PDE3B: variants seen among roughly 807,000 people sequenced by gnomAD.
The protein encoded by PDE3B is phosphodiesterase 3B.
Under a neutral mutation model 116.8 loss-of-function variants are expected in PDE3B, and 66 were observed. The ratio of observed to expected loss-of-function variants is 0.56; its 90% CI spans 0.46 to 0.69. The LOEUF is 0.69. Among genes scored for constraint, PDE3B ranks in the 30% least tolerant of loss-of-function variants. The probability of loss-of-function intolerance (pLI) is 0.00; values close to 1 mark genes in which losing one functional copy is unlikely to be tolerated. For synonymous variants in PDE3B, 595 were observed against 533.6 expected (o/e 1.12, Z -1.59); for missense variants, 1,384 against 1,368.1 (o/e 1.01, Z -0.18).
the PDE3B span, among the ~76,000 whole-genome samples, chr11:14,898,232 G>A: frequency 6.6e-6 from 1 of 152,022 alleles, no homozygotes; most frequent in East Asian, 1.9e-4. Flanking sequence ...GAAACACATG[G>A]TGTTATCCAC....
the PDE3B span, among the ~76,000 whole-genome samples, chr11:14,896,168 T>TG: frequency 1.3e-5 from 2 of 152,362 alleles, no homozygotes; most frequent in Non-Finnish European, 2.9e-5. Flanking sequence ...TGATATCTTG[T>TG]ATTCCTTTCC....
At chr11:14,812,255 A>T (rs1240447814) in intron 5 of PDE3B, among the ~76,000 whole-genome samples, 1 of 152,224 alleles carries the variant, frequency 6.6e-6, no homozygotes, top group Non-Finnish European at 1.5e-5. Context: ...ATTGTATGGT[A>T]TATGAATGAT....
intron 7 of PDE3B, among the ~76,000 whole-genome samples, chr11:14,822,966 C>T (rs1859568503): frequency 1.3e-5 from 2 of 151,332 alleles, no homozygotes; most frequent in South Asian, 2.1e-4. Context: ...TTCAGTGTAA[C>T]CACCCTACAA....
At chr11:14,803,204 A>G (rs771415882) in intron 4 of PDE3B, among the ~76,000 whole-genome samples, 1 of 152,174 alleles carries the variant, frequency 6.6e-6, no homozygotes, top group Non-Finnish European at 1.5e-5. Flanking sequence ...CCAAAATCAC[A>G]TTCCTTTAAG....
chr11:14,654,077 T>A (rs933738997), intron 1 of PDE3B, among the ~76,000 whole-genome samples: 3 of 151,958 alleles, frequency 2.0e-5, no homozygotes, highest in Non-Finnish European at 4.4e-5. Flanking sequence ...AGAAGTAAAG[T>A]ATAACTTGGA....
chr11:14,877,089 G>T, the PDE3B span, among the ~76,000 whole-genome samples: 1 of 152,122 alleles, frequency 6.6e-6, no homozygotes, highest in Admixed American at 6.6e-5. Context: ...ACAAGAGCAT[G>T]TACCTGTAAT....
rs1163583012 is a variant in PDE3B at position 14,644,566 on chromosome 11, G to A, written c.491G>A (p.Gly164Glu). ...GCGCTGCCCGCCTGCTGTTACCTGG[G>A]GGACTTCTTGGTGTGGCAGTGGTGG... The part of the protein sequence containing the change: ...LLALPACCYL[G>E]DFLVWQWWSW... Residue 164 changes from glycine (G) to glutamate (E), a missense_variant, in exon 1 of 16, where the codon GGG becomes GAG. Gly to Glu is a moderately conservative substitution (Grantham distance 98). Around this residue, in one of 2 missense-constraint regions of PDE3B, gnomAD observed 956 missense variants for 806.8 expected, o/e 1.18. Transcript: ENST00000282096. 3 of 1,592,890 alleles carry A rather than the reference G, an allele frequency of 1.9e-6. No homozygotes were observed. Among genetic ancestry groups the A allele is most frequent in the East Asian group, 2.3e-5 (1 of 43,754 alleles).
chr11:14,788,526 CACTT>C (rs1400701874), intron 3 of PDE3B, among the ~76,000 whole-genome samples: 3 of 151,976 alleles, frequency 2.0e-5, no homozygotes, highest in Admixed American at 6.6e-5. Flanking sequence ...CTCAGTAAAA[CACTT>C]ATTTATAATG....
chr11:14,712,146 T>C (rs1327930633), intron 1 of PDE3B, among the ~76,000 whole-genome samples: 1 of 152,168 alleles, frequency 6.6e-6, no homozygotes, highest in Non-Finnish European at 1.5e-5. Context: ...AGTGCGGTAA[T>C]GCGATCATAG....
chr11:14,724,847 A>G (rs1856234495), intron 1 of PDE3B, among the ~76,000 whole-genome samples: 1 of 152,212 alleles, frequency 6.6e-6, no homozygotes, highest in South Asian at 2.1e-4. Flanking sequence ...TAGTAGAAGG[A>G]TTCTTTCACT....
the PDE3B span, among the ~76,000 whole-genome samples, chr11:14,892,463 G>A: frequency 6.6e-6 from 1 of 152,358 alleles, no homozygotes; most frequent in East Asian, 1.9e-4. Flanking sequence ...TGAGCCAGGA[G>A]TCCGTTTTCT....
intron 1 of PDE3B, among the ~76,000 whole-genome samples, chr11:14,746,167 A>G (rs552978150): frequency 6.6e-6 from 1 of 152,124 alleles, no homozygotes; most frequent in African/African-American, 2.4e-5. Flanking sequence ...GCCAAGGCGG[A>G]TGGATCACTT....
intron 1 of PDE3B, among the ~76,000 whole-genome samples, chr11:14,724,500 A>T (rs138184649): frequency 6.6e-6 from 1 of 152,316 alleles, no homozygotes; most frequent in East Asian, 1.9e-4. Context: ...CTTGAAGGTC[A>T]TGCTCAAAGG....
chr11:14,747,441 A>G (rs969877920), intron 1 of PDE3B, among the ~76,000 whole-genome samples: 1 of 152,190 alleles, frequency 6.6e-6, no homozygotes, highest in Non-Finnish European at 1.5e-5. Context: ...ATAATATAAC[A>G]TGAAAGTGAG....
chr11:14,782,294 A>G (rs141003440), intron 2 of PDE3B, among the ~76,000 whole-genome samples: 1 of 152,384 alleles, frequency 6.6e-6, no homozygotes, highest in African/African-American at 2.4e-5. Context: ...AAGAGCCCAC[A>G]TTGCCAAGAC....
chr11:14,766,740 C>T (rs1857508154), intron 1 of PDE3B, among the ~76,000 whole-genome samples: 3 of 151,074 alleles, frequency 2.0e-5, no homozygotes, highest in African/African-American at 7.3e-5. Flanking sequence ...AAGGCTTTTT[C>T]TTGATGTGCA....
At chr11:14,825,255 C>A (rs1448627807) in intron 7 of PDE3B, among the ~76,000 whole-genome samples, 3 of 152,146 alleles carry the variant, frequency 2.0e-5, no homozygotes, top group African/African-American at 4.8e-5. Context: ...CAGGTAACAG[C>A]ACAATGACAG....
chr11:14,894,514 T>C, the PDE3B span, among the ~76,000 whole-genome samples: 1 of 152,176 alleles, frequency 6.6e-6, no homozygotes, highest in Non-Finnish European at 1.5e-5. Context: ...AAGGATTAAT[T>C]TTCATTACAA....
chr11:14,742,709 C>A (rs959857192), intron 1 of PDE3B, among the ~76,000 whole-genome samples: 4 of 152,244 alleles, frequency 2.6e-5, no homozygotes, highest in Non-Finnish European at 5.9e-5. Flanking sequence ...TTCTCCCCAT[C>A]TTTGTGGATT....
Sources: allele counts gnomAD v4.1 joint callset (sites outside exome capture counted in the v4.1 genomes callset), GRCh38; gene constraint gnomAD v4.1.1; regional missense constraint gnomAD v4.1.1; transcripts MANE v1.5; gene names NCBI Gene and HGNC (gene_info 2026-07-23, HGNC 2026-07-21).